Variants in TUSC3 observed in about 807,000 individuals in gnomAD.
The protein encoded by TUSC3 is tumor suppressor candidate 3.
A neutral mutation model predicts 44.8 loss-of-function variants in TUSC3; 45 were observed. The ratio of observed to expected loss-of-function variants is 1.00; its 90% confidence interval spans 0.79 to 1.29. The LOEUF (loss-of-function observed/expected upper bound fraction) is 1.29. TUSC3 is among the 50% of genes most tolerant of loss of function. The pLI, the probability that TUSC3 is intolerant of heterozygous loss-of-function variation, is 0.00. For missense variants in TUSC3, 519 were observed against 437.9 expected, an observed-to-expected ratio of 1.19 and a Z score of -1.65; for synonymous variants, 212 against 152.9, an observed-to-expected ratio of 1.39 and a Z score of -2.85.
At chr8:15,628,991 A>G (rs1172465386) in intron 2 of TUSC3, among the ~76,000 whole-genome samples, 4 of 152,234 alleles carry the variant, frequency 2.6e-5, no homozygotes, top group Non-Finnish European at 4.4e-5. Context: ...CAGTTAAGCT[A>G]GATTTCCACA....
chr8:15,633,764 A>G (rs1293678934), intron 2 of TUSC3, among the ~76,000 whole-genome samples: 1 of 152,166 alleles, frequency 6.6e-6, no homozygotes, highest in East Asian at 1.9e-4. Context: ...CAGTTTTAAG[A>G]GGGAGCATGG....
At chr8:15,515,532 A>G (rs1801204983) in intron 2 of TUSC3, among the ~76,000 whole-genome samples, 1 of 152,158 alleles carries the variant, frequency 6.6e-6, no homozygotes, top group Non-Finnish European at 1.5e-5. Flanking sequence ...ATTAATAGGT[A>G]TAGATTAGAA....
chr8:15,792,409 AT>A, the TUSC3 span, among the ~76,000 whole-genome samples: 2 of 152,164 alleles, frequency 1.3e-5, no homozygotes, highest in Admixed American at 1.3e-4. Context: ...TGAAGAGATC[AT>A]TTTTGAGATA....
At chr8:15,586,198 A>G (rs1213364312) in intron 1 of TUSC3, among the ~76,000 whole-genome samples, 1 of 152,192 alleles carries the variant, frequency 6.6e-6, no homozygotes, top group African/African-American at 2.4e-5. Context: ...GAAACAATTT[A>G]AGTCAGTAGT....
intron 2 of TUSC3, among the ~76,000 whole-genome samples, chr8:15,503,309 T>C (rs1800994628): frequency 6.6e-6 from 1 of 152,122 alleles, no homozygotes; most frequent in Non-Finnish European, 1.5e-5. Context: ...CCGCCTCCTG[T>C]ATCTTAGACT....
chr8:15,539,813 G>A (rs1014692706), upstream of TUSC3, among the ~76,000 whole-genome samples: 4 of 152,140 alleles, frequency 2.6e-5, no homozygotes, highest in Admixed American at 2.6e-4. Context: ...GCCTTCCAGT[G>A]GGGCTGGAAG....
At chr8:15,594,977 A>T (rs1210960817) in intron 1 of TUSC3, among the ~76,000 whole-genome samples, 1 of 152,024 alleles carries the variant, frequency 6.6e-6, no homozygotes, top group Non-Finnish European at 1.5e-5. Context: ...TGTCTACCCT[A>T]GGTTTTATAC....
intron 10 of TUSC3, chr8:15,758,359 A>G (rs1474011232): frequency 8.8e-6 from 4 of 456,530 alleles, no homozygotes; most frequent in Non-Finnish European, 1.2e-5. Context: ...TTATATATAT[A>G]TAAAATTACT....
intron 1 of TUSC3, among the ~76,000 whole-genome samples, chr8:15,564,926 A>G (rs1022387049): frequency 6.6e-6 from 1 of 152,170 alleles, no homozygotes; most frequent in African/African-American, 2.4e-5. Context: ...TGTTCTTTAC[A>G]GAGAGCTGAG....
At chr8:15,525,335 A>G (rs1422556524) in intron 2 of TUSC3, among the ~76,000 whole-genome samples, 1 of 152,194 alleles carries the variant, frequency 6.6e-6, no homozygotes, top group South Asian at 2.1e-4. Flanking sequence ...TTCTTGCTCC[A>G]GCTCCTTGTT....
At chr8:15,618,072 TA>T (rs767207172) in intron 1 of TUSC3, among the ~76,000 whole-genome samples, 3 of 151,780 alleles carry the variant, frequency 2.0e-5, no homozygotes, top group African/African-American at 7.3e-5. Context: ...GTATAAAAGG[TA>T]AAAAAAATGG....
chr8:15,647,083 C>T (rs1806666740), intron 2 of TUSC3, among the ~76,000 whole-genome samples: 1 of 152,072 alleles, frequency 6.6e-6, no homozygotes, highest in Non-Finnish European at 1.5e-5. Flanking sequence ...GGCTATCGTT[C>T]TATATTGTCA....
chr8:15,432,076 C>G lies in TUSC3; in HGVS notation n.91+14771C>G, dbSNP rs1292946580. ...ATCAGGGATATTGGCTTGTAATTTT[C>G]TTACATTGTTCTTGTCTGGCTTTGG... On this transcript the variant is annotated intron_variant and non_coding_transcript_variant, in intron 1 of 5. Transcript: ENST00000503191. 2.6e-5 allele frequency among the ~76,000 whole-genome samples: 4 copies of G among 151,622 alleles called. No individual in the cohort carries two copies. In the South Asian group the frequency reaches 8.3e-4, roughly 32 times the overall value.
intron 6 of TUSC3, among the ~76,000 whole-genome samples, chr8:15,680,934 T>C (rs2129185557): frequency 6.6e-6 from 1 of 152,278 alleles, no homozygotes; most frequent in East Asian, 1.9e-4. Context: ...TGAAACCTCC[T>C]TGATTATAGT....
chr8:15,847,779 A>G, the TUSC3 span, among the ~76,000 whole-genome samples: 814 of 152,284 alleles, frequency 5.3e-3, 7 homozygotes, highest in African/African-American at 0.019. Context: ...TAGAGTAGCA[A>G]TGGGGGCCAT....
the TUSC3 span, among the ~76,000 whole-genome samples, chr8:15,779,832 C>A: frequency 1.3e-5 from 2 of 152,236 alleles, no homozygotes; most frequent in African/African-American, 4.8e-5. Flanking sequence ...CCAAACTAGG[C>A]AGAAGGGAAC....
intron 2 of TUSC3, among the ~76,000 whole-genome samples, chr8:15,491,977 C>T (rs1284847706): frequency 1.3e-5 from 2 of 152,318 alleles, no homozygotes; most frequent in East Asian, 3.9e-4. Context: ...CTTATAGTTA[C>T]CTCAAATCTC....
chr8:15,604,554 C>T (rs1387528118), intron 1 of TUSC3, among the ~76,000 whole-genome samples: 1 of 151,550 alleles, frequency 6.6e-6, no homozygotes, highest in East Asian at 1.9e-4. Flanking sequence ...ACAAGTGGCA[C>T]CAAGATAGAT....
intron 1 of TUSC3, among the ~76,000 whole-genome samples, chr8:15,564,458 C>G (rs960284057): frequency 6.6e-6 from 1 of 152,096 alleles, no homozygotes; most frequent in South Asian, 2.1e-4. Context: ...TTGAAAGATA[C>G]TTAACATCTT....
Sources: allele counts gnomAD v4.1 joint callset (sites outside exome capture counted in the v4.1 genomes callset), GRCh38; gene constraint gnomAD v4.1.1; transcripts MANE v1.5; gene names NCBI Gene and HGNC (gene_info 2026-07-23, HGNC 2026-07-21).